Variants in CELF2 observed in about 807,000 individuals in gnomAD.
CELF2 encodes CUG triplet repeat RNA-binding protein 2.
In CELF2, 8 loss-of-function variants were observed where a neutral mutation model predicts 62.6. The observed-to-expected ratio is 0.13, with a 90% CI of 0.07 to 0.23. The LOEUF is 0.23. Among genes scored for constraint, CELF2 ranks in the 10% least tolerant of loss-of-function variants. The pLI is 1.00. For missense variants in CELF2, 333 were observed against 671.0 expected, an observed-to-expected ratio of 0.50 and a Z score of 5.56; for synonymous variants, 258 against 250.0, an observed-to-expected ratio of 1.03 and a Z score of -0.30.
At chr10:10,618,297 C>T in the CELF2 span, among the ~76,000 whole-genome samples, 99 of 152,206 alleles carry the variant, frequency 6.5e-4, 2 homozygotes, top group Admixed American at 4.3e-3. Context: ...GCTGCTTCTT[C>T]CCATCCAGCC....
At chr10:10,611,179 G>A in the CELF2 span, among the ~76,000 whole-genome samples, 7 of 152,116 alleles carry the variant, frequency 4.6e-5, no homozygotes, top group African/African-American at 9.6e-5. Flanking sequence ...ATGCAGATGC[G>A]GCCAGAACCA....
In CELF2 at chr10:11,005,432, G is replaced by A. The variant is rs193111062; in HGVS notation, c.45G>A (p.Leu15=). 28 of 1,613,924 alleles carry A rather than the reference G, an allele frequency of 1.7e-5. No individual in the cohort carries two copies. In the African/African-American group the frequency reaches 3.2e-4, roughly 18 times the overall value. Residue 15 remains leucine, a synonymous_variant, in exon 1 of 13, where the codon CTG becomes CTA. Transcript: ENST00000416382. The surrounding 1 kb of genome is among the most constrained non-coding windows in gnomAD (Gnocchi z 4.3). The stretch of plus-strand genomic sequence containing the variant: ...CTGTTACTATGAGAAATGAAGAGCT[G>A]CTTTTAAGGTATGTTGTTGTGTCCT...
At chr10:11,079,822 C>G (rs2073449893) in intron 1 of CELF2, among the ~76,000 whole-genome samples, 1 of 148,294 alleles carries the variant, frequency 6.7e-6, no homozygotes, top group Non-Finnish European at 1.5e-5. Context: ...CCTCTTGGGT[C>G]AGCTTCTGCC....
At chr10:10,736,400 T>TTTCTTTC in the CELF2 span, among the ~76,000 whole-genome samples, 3 of 57,212 alleles carry the variant, frequency 5.2e-5, no homozygotes, top group Admixed American at 5.5e-4. Context: ...TTCTTTCTTT[T>TTTCTTTC]TTTTTTTTTT....
At chr10:10,942,497 G>A (rs554621918) in intron 2 of CELF2, among the ~76,000 whole-genome samples, 28 of 152,292 alleles carry the variant, frequency 1.8e-4, no homozygotes, top group Admixed American at 9.8e-4. Context: ...TTGCCATGTG[G>A]GCCTTTCCAT....
At chr10:11,286,524 T>C (rs925948661) in intron 8 of CELF2, among the ~76,000 whole-genome samples, 1 of 152,212 alleles carries the variant, frequency 6.6e-6, no homozygotes, top group African/African-American at 2.4e-5. Flanking sequence ...AAGTCAAACA[T>C]GCATTCATGT....
chr10:10,700,002 T>C, the CELF2 span, among the ~76,000 whole-genome samples: 1 of 152,180 alleles, frequency 6.6e-6, no homozygotes, highest in Non-Finnish European at 1.5e-5. Flanking sequence ...AGAAAAAGCC[T>C]AGCCTCCACC....
the CELF2 span, among the ~76,000 whole-genome samples, chr10:10,630,917 C>T: frequency 6.6e-6 from 1 of 152,176 alleles, no homozygotes; most frequent in Non-Finnish European, 1.5e-5. Flanking sequence ...TAAGGAGCTG[C>T]GGAGTGCACA....
the CELF2 span, among the ~76,000 whole-genome samples, chr10:10,501,098 T>C: frequency 8.6e-4 from 131 of 152,330 alleles, no homozygotes; most frequent in African/African-American, 3.1e-3. Flanking sequence ...GTACAGTTTT[T>C]TGTGTGAACA....
At chr10:11,200,153 T>C (rs2058891310) in intron 2 of CELF2, among the ~76,000 whole-genome samples, 1 of 152,240 alleles carries the variant, frequency 6.6e-6, no homozygotes, top group Non-Finnish European at 1.5e-5. Context: ...ATTAACTCTT[T>C]GGGCCCACTA....
At chr10:11,189,825 T>C (rs2075878223) in intron 2 of CELF2, among the ~76,000 whole-genome samples, 1 of 152,262 alleles carries the variant, frequency 6.6e-6, no homozygotes, top group African/African-American at 2.4e-5. Flanking sequence ...TGCAAACCTT[T>C]AGTGGCACAC....
intron 4 of CELF2, among the ~76,000 whole-genome samples, chr10:11,256,484 T>C (rs2078769849): frequency 1.3e-5 from 2 of 151,246 alleles, no homozygotes; most frequent in Non-Finnish European, 1.5e-5. Flanking sequence ...TAGTGCAGAT[T>C]CAAAAGAAAT....
the CELF2 span, among the ~76,000 whole-genome samples, chr10:10,538,925 C>T: frequency 6.6e-6 from 1 of 152,176 alleles, no homozygotes; most frequent in Admixed American, 6.5e-5. Flanking sequence ...TTAATTTTCC[C>T]GCAATTCTCT....
At chr10:11,186,418 T>C (rs2074952560) in intron 2 of CELF2, among the ~76,000 whole-genome samples, 1 of 152,082 alleles carries the variant, frequency 6.6e-6, no homozygotes, top group Admixed American at 6.5e-5. Flanking sequence ...AAGCTGAGGT[T>C]ACTGATTTGA....
intron 1 of CELF2, among the ~76,000 whole-genome samples, chr10:10,894,596 A>G (rs2062403270): frequency 6.6e-6 from 1 of 152,246 alleles, no homozygotes; most frequent in South Asian, 2.1e-4. Context: ...GCAGTTGATC[A>G]TAAAAGTTTG....
the CELF2 span, among the ~76,000 whole-genome samples, chr10:10,759,009 C>G: frequency 6.6e-6 from 1 of 152,184 alleles, no homozygotes; most frequent in South Asian, 2.1e-4. Flanking sequence ...TTTTTTTAAC[C>G]TTGCCAAAAG....
intron 2 of CELF2, among the ~76,000 whole-genome samples, chr10:11,196,159 A>G (rs1251454916): frequency 2.0e-5 from 3 of 152,196 alleles, no homozygotes; most frequent in African/African-American, 7.2e-5. Context: ...CTGAATATGT[A>G]ATTTGGAGTC....
rs569101614 is a variant in CELF2, at chr10:11,103,115, T to C, written c.75-62371T>C. On this transcript the variant is annotated intron_variant, in intron 1 of 12. Transcript: ENST00000633077. ...AGGGTGCCTCACAATGCGGCTGCAA[T>C]CTCCCTTTTCCAACCTCTTGTTGAG... 3.3e-5 allele frequency among the ~76,000 whole-genome samples: 5 copies of C among 152,258 alleles called. No individual in the cohort carries two copies. The South Asian group carries it at 1.0e-3, about 32-fold the overall frequency.
the CELF2 span, among the ~76,000 whole-genome samples, chr10:10,472,023 G>T: frequency 6.7e-6 from 1 of 150,278 alleles, no homozygotes; most frequent in Non-Finnish European, 1.5e-5. Context: ...CTGAATTCAA[G>T]ATTTTTTTTT....
Sources: gnomAD v4.1 joint callset for allele counts (sites outside exome capture counted in the v4.1 genomes callset) on GRCh38, gnomAD v4.1.1 for gene constraint, Gnocchi (gnomAD v3.1) non-coding constraint, MANE v1.5 for transcripts, NCBI Gene and HGNC (gene_info 2026-07-23, HGNC 2026-07-21) for gene names.